The following PCNX2 variants were observed in gnomAD, a reference collection of about 807,000 sequenced individuals.
PCNX2 encodes pecanex-like protein 2.
In PCNX2, 168 loss-of-function variants were observed where a neutral mutation model predicts 223.8. That is an observed-to-expected ratio of 0.75 (90% CI 0.66 to 0.85). The LOEUF (loss-of-function observed/expected upper bound fraction) is 0.85, where lower values mean the gene tolerates loss of function less well. PCNX2 is among the 40% of genes least tolerant of loss of function. The pLI, the probability that PCNX2 is intolerant of heterozygous loss-of-function variation, is 0.00. For synonymous variants in PCNX2, 1,006 were observed against 1,052.6 expected, an observed-to-expected ratio of 0.96 and a Z score of 0.86; for missense variants, 2,507 against 2,675.5, an observed-to-expected ratio of 0.94 and a Z score of 1.39.
At chr1:233,235,973 T>A (rs1430638190) in intron 9 of PCNX2, among the ~76,000 whole-genome samples, 3 of 143,670 alleles carry the variant, frequency 2.1e-5, no homozygotes, top group Non-Finnish European at 3.0e-5. Context: ...TATATATATA[T>A]ATATATATAT....
intron 32 of PCNX2, among the ~76,000 whole-genome samples, chr1:232,988,554 A>T (rs898668922): frequency 7.2e-5 from 11 of 152,196 alleles, no homozygotes; most frequent in African/African-American, 2.4e-4. Flanking sequence ...CCAAGTTATG[A>T]ATGTTTCTAG....
At chr1:233,254,565 G>C (rs1659624104) in intron 5 of PCNX2, among the ~76,000 whole-genome samples, 1 of 151,712 alleles carries the variant, frequency 6.6e-6, no homozygotes, top group African/African-American at 2.4e-5. Context: ...TATAAAAATA[G>C]TACACAGTCA....
intron 25 of PCNX2, among the ~76,000 whole-genome samples, chr1:233,033,696 A>G (rs563833907): frequency 6.6e-6 from 1 of 152,354 alleles, no homozygotes; most frequent in East Asian, 1.9e-4. Flanking sequence ...AGTGCAATAA[A>G]GCAAAAGTAT....
At chr1:233,158,156 A>AAAAAC (rs147231071) in intron 19 of PCNX2, among the ~76,000 whole-genome samples, 25 of 152,130 alleles carry the variant, frequency 1.6e-4, no homozygotes, top group African/African-American at 5.8e-4. Flanking sequence ...TGCAGGAGAG[A>AAAAAC]AAAACAAAAC....
chr1:233,020,840 G>A (rs867335424), intron 26 of PCNX2, among the ~76,000 whole-genome samples: 2 of 152,262 alleles, frequency 1.3e-5, no homozygotes, highest in Middle Eastern at 6.8e-3. Flanking sequence ...ACAGGGTGGG[G>A]GAACTGACCC....
Position 233,016,967 on chromosome 1 carries a change from T to C in PCNX2, c.4793A>G (p.Asn1598Ser), listed in dbSNP as rs2102819851. 5.0e-6 allele frequency: 8 copies of C among 1,613,674 alleles called. No individual in the cohort carries two copies. The highest frequency in any genetic ancestry group is 5.9e-6 in the Non-Finnish European group (7 of 1,179,572). Reference sequence around the variant, plus strand: ...GTGTTGAATCCATTCTAGATAAACATTGCAGAAGCTAGCTCGTGTGATCCC... The same window carrying C: ...GTGTTGAATCCATTCTAGATAAACACTGCAGAAGCTAGCTCGTGTGATCCC... Reference protein sequence around the residue: ...LQGITRASFCNVYLEWIQHCA... With the variant: ...LQGITRASFCSVYLEWIQHCA... The change falls in exon 27 of 34, where the codon AAT becomes AGT. Residue 1598 changes from asparagine (N) to serine (S), a missense_variant. Physicochemically the swap from Asn to Ser is conservative, Grantham distance 46. Around this residue, in one of 3 missense-constraint regions of PCNX2, gnomAD observed 1,372 missense variants for 1,509.4 expected, o/e 0.91. Coordinates refer to ENST00000258229, the MANE Select transcript of PCNX2 (RefSeq NM_014801.4).
In PCNX2 at chr1:232,984,274, AG is replaced by A; in HGVS notation, c.*29del. 3.2e-6 allele frequency: 5 copies of A among 1,546,386 alleles called. No individual in the cohort carries two copies. The highest frequency in any genetic ancestry group is 2.6e-6 in the Non-Finnish European group (3 of 1,146,494). On this transcript the variant is annotated 3_prime_UTR_variant, in exon 34 of 34. Coordinates refer to ENST00000258229, the MANE Select transcript of PCNX2 (RefSeq NM_014801.4). Reference sequence around the variant, plus strand: ...GCAATGCAGGTGGGAGGTGTGGGGGAGCCAGCCTCCCCGCCCGGCCGCACGC... The same window carrying A: ...GCAATGCAGGTGGGAGGTGTGGGGGACCAGCCTCCCCGCCCGGCCGCACGC...
intron 10 of PCNX2, among the ~76,000 whole-genome samples, chr1:233,222,155 A>G (rs1657417802): frequency 6.6e-6 from 1 of 152,214 alleles, no homozygotes. Flanking sequence ...AGGAACTGCC[A>G]GTACAAAGGT....
rs540256108 is a variant in PCNX2, at chr1:233,285,096, T to G, written c.153+10230A>C. The G allele has an allele frequency of 1.6e-5, 13 of 825,696 alleles. No individual in the cohort carries two copies. The South Asian group carries it at 3.9e-4, about 25-fold the overall frequency. 51.1% of individuals were successfully genotyped at this position (825,696 alleles called of 1,614,324 possible). On this transcript the variant is annotated intron_variant, in intron 1 of 33. Transcript: ENST00000258229. ...GGCCGGGTGCAGTGGTTCACGCCTG[T>G]AATCCCAACACTTCGGGAGGCCAAA...
intron 15 of PCNX2, among the ~76,000 whole-genome samples, chr1:233,186,565 G>T (rs1341117219): frequency 6.6e-6 from 1 of 152,112 alleles, no homozygotes; most frequent in East Asian, 1.9e-4. Flanking sequence ...TATTCCTCAT[G>T]GACCTTGAAC....
intron 17 of PCNX2, chr1:233,172,487 T>C (rs1679211536): frequency 1.0e-6 from 1 of 985,434 alleles, no homozygotes; most frequent in Non-Finnish European, 1.2e-6. Context: ...CTGCTTGCAC[T>C]TCCTGGTGTG....
intron 16 of PCNX2, among the ~76,000 whole-genome samples, chr1:233,178,477 T>G (rs2102857580): frequency 6.6e-6 from 1 of 152,346 alleles, no homozygotes; most frequent in South Asian, 2.1e-4. Flanking sequence ...TTACCAAAAC[T>G]TAAAGATATG....
In PCNX2 at chr1:233,054,475, C is replaced by G; in HGVS notation, c.4144G>C (p.Asp1382His). 1.2e-6 allele frequency: 2 copies of G among 1,611,984 alleles called. No individual in the cohort carries two copies. The highest frequency in any genetic ancestry group is 2.7e-5 in the African/African-American group (2 of 74,996). The change falls in exon 25 of 34, where the codon GAC (aspartate) becomes CAC (histidine). Residue 1382 changes from aspartate to histidine, a missense_variant. Physicochemically the swap from Asp to His is moderately conservative, Grantham distance 81 (BLOSUM62 -1). Transcript: ENST00000258229. The part of the protein sequence containing the change: ...VQIERDPGND[D>H]NNLNSIFYEH... ...TAAAAAATGGAATTGAGATTGTTGT[C>G]ATCATTCCCTAAAGGCAGACAAGAA...
chr1:233,068,336 GAAAT>G (rs1364935176), intron 23 of PCNX2, among the ~76,000 whole-genome samples: 3 of 151,824 alleles, frequency 2.0e-5, no homozygotes, highest in African/African-American at 7.3e-5. Context: ...GTTCTACCCT[GAAAT>G]AATAGGTAAA....
the PCNX2 span, among the ~76,000 whole-genome samples, chr1:233,310,784 G>A: frequency 6.6e-6 from 1 of 152,172 alleles, no homozygotes; most frequent in Non-Finnish European, 1.5e-5. Flanking sequence ...TTCTGGTGAG[G>A]GCCTCAGGCT....
chr1:233,031,382 A>G (rs1316069048), intron 25 of PCNX2, among the ~76,000 whole-genome samples: 2 of 152,232 alleles, frequency 1.3e-5, no homozygotes, highest in African/African-American at 2.4e-5. Flanking sequence ...GTAGGCACTA[A>G]CAAAGTTGTT....
In PCNX2 at chr1:233,185,118, C is replaced by T. The variant is rs973462846; in HGVS notation, c.3067-5943G>A. On this transcript the variant is annotated intron_variant, in intron 15 of 33. Transcript: ENST00000258229. ...ACACACACACACACACACACACACA[C>T]ACACACACACACATCCCTCAGATTG... Among the ~76,000 whole-genome samples the T allele has an allele frequency of 7.4e-5, 11 of 148,998 alleles. No homozygotes were observed. In the South Asian group the frequency reaches 1.9e-3, roughly 26 times the overall value.
At chr1:233,031,640 G>GA (rs1309373247) in intron 25 of PCNX2, 2 of 565,654 alleles carry the variant, frequency 3.5e-6, no homozygotes, top group African/African-American at 4.1e-5. Flanking sequence ...AACAGTCTAT[G>GA]AAATAGGAGT....
intron 21 of PCNX2, among the ~76,000 whole-genome samples, chr1:233,124,393 C>T (rs61365755): frequency 0.011 from 1,696 of 152,316 alleles, 29 homozygotes; most frequent in African/African-American, 0.039. Context: ...CAAGTCCATT[C>T]TTCAGCGCAG....
Sources: allele counts gnomAD v4.1 joint callset (sites outside exome capture counted in the v4.1 genomes callset), GRCh38; gene constraint gnomAD v4.1.1; regional missense constraint gnomAD v4.1.1; transcripts MANE v1.5; gene names NCBI Gene and HGNC (gene_info 2026-07-23, HGNC 2026-07-21).